Variants in REG4 observed in about 807,000 individuals in gnomAD.
REG4 encodes the protein regenerating islet-derived protein 4.
REG4 carries 16 observed loss-of-function variants against 22.3 expected under a neutral mutation model. The ratio of observed to expected loss-of-function variants is 0.72; its 90% confidence interval spans 0.49 to 1.09. The LOEUF (loss-of-function observed/expected upper bound fraction) is 1.09, where lower values mean the gene tolerates loss of function less well. Among genes scored for constraint, REG4 ranks in the 50% least tolerant of loss-of-function variants. The pLI is 0.00. For synonymous variants in REG4, 71 were observed against 69.2 expected (o/e 1.03, Z -0.13); for missense variants, 214 against 193.9 (o/e 1.10, Z -0.61).
intron 2 of REG4, among the ~76,000 whole-genome samples, chr1:119,803,662 A>G (rs587630289): frequency 3.8e-4 from 58 of 152,342 alleles, no homozygotes; most frequent in Admixed American, 9.2e-4. Flanking sequence ...TTAGCAGTGA[A>G]GGTCAAATAA....
intron 2 of REG4, among the ~76,000 whole-genome samples, chr1:119,807,433 G>T (rs1461573090): frequency 6.6e-6 from 1 of 152,228 alleles, no homozygotes. Context: ...AAGCCAGAGA[G>T]TTTAGTGAGA....
chr1:119,803,317 T>G, intron 2 of REG4, 152 bp from the exon 3 acceptor site: 1 of 729,522 alleles, frequency 1.4e-6, no homozygotes, highest in South Asian at 3.3e-5. Context: ...CAGCTTACCC[T>G]TCTTCTGGCT....
intron 2 of REG4, among the ~76,000 whole-genome samples, chr1:119,804,885 G>GC (rs1183348909): frequency 1.3e-5 from 2 of 151,124 alleles, no homozygotes; most frequent in African/African-American, 4.9e-5. Context: ...TCCCCTTTCT[G>GC]CCCCTCACCC....
At chr1:119,808,891 A>G in intron 1 of REG4, 28 bp from the exon 2 acceptor site, 1 of 601,844 alleles carries the variant, frequency 1.7e-6, no homozygotes, top group East Asian at 3.0e-5. Context: ...GGTGAGAAGG[A>G]CCCAGGAATC....
chr1:119,794,527 T>A lies in REG4; in HGVS notation c.*91A>T. ...CTTATCACTCTTAGTTTGCTAGGTT[T>A]CCCCTCTGAAATAATGAGCAGATTT... On this transcript the variant is annotated 3_prime_UTR_variant, in exon 6 of 6. Coordinates refer to ENST00000256585, the MANE Select transcript of REG4 (RefSeq NM_032044.4). The A allele has an allele frequency of 8.3e-7, 1 of 1,199,084 alleles. No homozygotes were observed. Among genetic ancestry groups the A allele is most frequent in the Non-Finnish European group, 1.2e-6 (1 of 802,564 alleles). 74.3% of individuals were successfully genotyped at this position (1,199,084 alleles called of 1,614,324 possible).
chr1:119,804,232 C>G (rs183299570), intron 2 of REG4, among the ~76,000 whole-genome samples: 9 of 152,326 alleles, frequency 5.9e-5, no homozygotes, highest in East Asian at 1.9e-4. Context: ...TCTCTCTCCT[C>G]ATTCAAATGA....
chr1:119,799,650 G>A lies in REG4; in HGVS notation c.303+75C>T, dbSNP rs984184495. ...ACCCGCTGTGTCCTTGTTATAGGCC[G>A]GGAGGCCATTCCCCAAAAAGAGGAT... On this transcript the variant is annotated intron_variant, in intron 4 of 5. Coordinates refer to ENST00000256585, the MANE Select transcript of REG4 (RefSeq NM_032044.4). 2.0e-5 allele frequency: 31 copies of A among 1,561,220 alleles called. No homozygotes were observed. In the South Asian group the frequency reaches 2.4e-4, roughly 12 times the overall value.
chr1:119,797,360 G>A (rs1211465935), intron 5 of REG4, among the ~76,000 whole-genome samples: 1 of 152,116 alleles, frequency 6.6e-6, no homozygotes, highest in Non-Finnish European at 1.5e-5. Flanking sequence ...TATCTCTGAG[G>A]GCTTTCCTCA....
At position 119,807,624 on chromosome 1, in the gene REG4, C is replaced by G. The variant is rs201144361; in HGVS notation, c.67+1079G>C. 3.3e-5 allele frequency among the ~76,000 whole-genome samples: 5 copies of G among 152,298 alleles called. No individual in the cohort carries two copies. In the East Asian group the frequency reaches 5.8e-4, roughly 18 times the overall value. The stretch of plus-strand genomic sequence containing the variant: ...GGGGCTCAAGAGCAGCCCCCCAGAG[C>G]CTTGCACTCTCTTGCATGGTTTCCT... On this transcript the variant is annotated intron_variant, in intron 2 of 5. Coordinates refer to ENST00000256585, the MANE Select transcript of REG4 (RefSeq NM_032044.4).
At chr1:119,798,193 T>C (rs998539467) in intron 5 of REG4, among the ~76,000 whole-genome samples, 1 of 152,240 alleles carries the variant, frequency 6.6e-6, no homozygotes, top group Non-Finnish European at 1.5e-5. Context: ...TATATCCCTC[T>C]CATGGTATAG....
intron 3 of REG4, chr1:119,802,439 G>C (rs1404969825): frequency 1.0e-6 from 1 of 997,512 alleles, no homozygotes; most frequent in African/African-American, 1.7e-5. Flanking sequence ...AGACCGCATA[G>C]GCCCAGATCA....
chr1:119,799,661 C>G, intron 4 of REG4, 64 bp downstream of exon 4: 1 of 1,584,648 alleles, frequency 6.3e-7, no homozygotes. Context: ...GGAGGCCATT[C>G]CCCAAAAAGA....
chr1:119,798,693 T>G (rs1390014088), intron 4 of REG4, 91 bp from the exon 5 acceptor site: 1 of 869,264 alleles, frequency 1.2e-6, no homozygotes. Context: ...AAACATGGTT[T>G]TCATTGCAAA....
chr1:119,799,971 C>T (rs1654049298), intron 3 of REG4, 109 bp from the exon 4 acceptor site: 1 of 1,365,964 alleles, frequency 7.3e-7, no homozygotes, highest in Admixed American at 1.9e-5. Flanking sequence ...CCCCCACTTC[C>T]TCCACACATC....
In REG4 at chr1:119,799,825, G is replaced by A. The variant is rs1299839119; in HGVS notation, c.203C>T (p.Ala68Val). The stretch of plus-strand genomic sequence containing the variant: ...GGCTTCCTTTAAACTCAGGATAGAT[G>A]CCAGGTGGGCTCCGTTTCCGTAAGA... The part of the protein sequence containing the change: ...CQSYGNGAHL[A>V]SILSLKEAST... The change falls in exon 4 of 6, where the codon GCA becomes GTA. Residue 68 changes from alanine (A) to valine (V), a missense_variant. By Grantham distance (64) the Ala-to-Val change is moderately conservative. Coordinates refer to ENST00000256585, the MANE Select transcript of REG4 (RefSeq NM_032044.4). 1 of 1,614,006 alleles carries A rather than the reference G, an allele frequency of 6.2e-7. No individual in the cohort carries two copies. Among genetic ancestry groups the A allele is most frequent in the African/African-American group, 1.3e-5 (1 of 74,916 alleles).
intron 3 of REG4, chr1:119,802,257 T>G (rs2282402): frequency 0.18 from 153,164 of 859,736 alleles, 13,850 homozygotes; most frequent in African/African-American, 0.23. Context: ...TCATGCTGTA[T>G]GGAAATGTTC....
At chr1:119,804,038 A>T (rs1654211440) in intron 2 of REG4, among the ~76,000 whole-genome samples, 1 of 152,178 alleles carries the variant, frequency 6.6e-6, no homozygotes, top group Non-Finnish European at 1.5e-5. Context: ...CATGTCACTG[A>T]ATCTGAAGGT....
Position 119,798,484 on chromosome 1 carries a change from C to T in REG4, c.409+13G>A. The T allele has an allele frequency of 6.3e-7, 1 of 1,595,902 alleles. No individual in the cohort carries two copies. The highest frequency in any genetic ancestry group is 8.6e-7 in the Non-Finnish European group (1 of 1,163,470). The stretch of plus-strand genomic sequence containing the variant: ...CATTGGGAAGTGGTGAGGGGTGGTG[C>T]ATTATAACTTACTGTTATTGGAGCT... On this transcript the variant is annotated intron_variant, in intron 5 of 5. Coordinates refer to ENST00000256585, the MANE Select transcript of REG4 (RefSeq NM_032044.4).
intron 2 of REG4, among the ~76,000 whole-genome samples, chr1:119,807,643 G>A (rs1654363836): frequency 6.6e-6 from 1 of 152,214 alleles, no homozygotes; most frequent in Admixed American, 6.5e-5. Flanking sequence ...CTCTTGCATG[G>A]TTTCCTTTGC....
Sources: allele counts gnomAD v4.1 joint callset (sites outside exome capture counted in the v4.1 genomes callset), GRCh38; gene constraint gnomAD v4.1.1; transcripts MANE v1.5; gene names NCBI Gene and HGNC (gene_info 2026-07-23, HGNC 2026-07-21).